Variants in PLCB1 observed in about 807,000 individuals in gnomAD.
PLCB1 encodes 1-phosphatidylinositol 4,5-bisphosphate phosphodiesterase beta-1.
In PLCB1, 46 loss-of-function variants were observed where a neutral mutation model predicts 161.8. That is an observed-to-expected ratio of 0.28 (90% CI 0.22 to 0.36). The LOEUF is 0.36. Ranked by LOEUF, PLCB1 falls within the 10% of genes least tolerant of loss-of-function variation. The pLI, the probability that PLCB1 is intolerant of heterozygous loss-of-function variation, is 1.00. For synonymous variants in PLCB1, 517 were observed against 503.7 expected, an observed-to-expected ratio of 1.03 and a Z score of -0.35; for missense variants, 1,016 against 1,472.5, an observed-to-expected ratio of 0.69 and a Z score of 5.07.
chr20:8,838,062 C>A (rs1432907670), intron 31 of PLCB1, among the ~76,000 whole-genome samples: 3 of 83,534 alleles, frequency 3.6e-5, no homozygotes, highest in Non-Finnish European at 4.9e-5. Context: ...CTGAAAATTT[C>A]TATGTCAAAT....
intron 10 of PLCB1, among the ~76,000 whole-genome samples, chr20:8,696,658 T>C (rs1465039342): frequency 6.6e-6 from 1 of 152,228 alleles, no homozygotes. Context: ...TTGGGTCTTC[T>C]TTAGTTTCTT....
chr20:8,185,050 T>C (rs2051888598), intron 2 of PLCB1, among the ~76,000 whole-genome samples: 1 of 152,016 alleles, frequency 6.6e-6, no homozygotes, highest in Non-Finnish European at 1.5e-5. Flanking sequence ...TGTTTGGTTT[T>C]CTGTTCCTGT....
chr20:8,698,715 T>G (rs1990635269), intron 11 of PLCB1, among the ~76,000 whole-genome samples: 1 of 152,070 alleles, frequency 6.6e-6, no homozygotes, highest in Non-Finnish European at 1.5e-5. Flanking sequence ...TGGGGGACGG[T>G]TCAAAGGAGA....
At chr20:8,668,463 A>C (rs1487059296) in intron 9 of PLCB1, among the ~76,000 whole-genome samples, 2 of 152,212 alleles carry the variant, frequency 1.3e-5, no homozygotes, top group Admixed American at 1.3e-4. Flanking sequence ...TATATGTAGA[A>C]AATGAGCCCA....
chr20:8,662,355 T>C (rs1397768041), intron 9 of PLCB1, among the ~76,000 whole-genome samples: 3 of 124,712 alleles, frequency 2.4e-5, no homozygotes, highest in African/African-American at 6.3e-5. Context: ...GTATAATATG[T>C]AATTATTTAT....
At chr20:8,296,236 A>G (rs534390459) in intron 2 of PLCB1, among the ~76,000 whole-genome samples, 7 of 152,322 alleles carry the variant, frequency 4.6e-5, no homozygotes, top group African/African-American at 1.7e-4. Flanking sequence ...GAAACTTACA[A>G]GCCTGTTTTG....
chr20:8,789,230 T>G (rs1983633567), intron 29 of PLCB1, among the ~76,000 whole-genome samples: 3 of 152,060 alleles, frequency 2.0e-5, no homozygotes, highest in Admixed American at 2.0e-4. Flanking sequence ...AATTTTAAGA[T>G]TAGCTGGGTG....
chr20:8,593,581 A>C (rs1249377519), intron 3 of PLCB1, among the ~76,000 whole-genome samples: 1 of 152,124 alleles, frequency 6.6e-6, no homozygotes, highest in Non-Finnish European at 1.5e-5. Context: ...ACCAATGATA[A>C]TCTGACATTG....
chr20:8,477,253 T>C (rs2423356), intron 3 of PLCB1, among the ~76,000 whole-genome samples: 143,522 of 152,250 alleles, frequency 0.94, 67,725 homozygotes, highest in East Asian at 1. Flanking sequence ...TTGAGAGATG[T>C]TGCTAACTGG....
chr20:8,870,689 G>A (rs923386106), intron 31 of PLCB1, among the ~76,000 whole-genome samples: 2 of 152,010 alleles, frequency 1.3e-5, no homozygotes, highest in Non-Finnish European at 2.9e-5. Flanking sequence ...TGCCTACCTC[G>A]TCCTTGACTC....
intron 11 of PLCB1, among the ~76,000 whole-genome samples, chr20:8,705,114 C>T (rs1200568860): frequency 6.6e-6 from 1 of 151,628 alleles, no homozygotes; most frequent in East Asian, 1.9e-4. Context: ...CACAGAGACA[C>T]CCAGAAGAAT....
intron 3 of PLCB1, among the ~76,000 whole-genome samples, chr20:8,569,706 A>C (rs1229206044): frequency 6.6e-6 from 1 of 152,238 alleles, no homozygotes; most frequent in Non-Finnish European, 1.5e-5. Context: ...AAGTATTAGC[A>C]TGAAAATAAA....
chr20:8,179,227 A>G (rs1015181834), intron 2 of PLCB1, among the ~76,000 whole-genome samples: 1 of 152,062 alleles, frequency 6.6e-6, no homozygotes, highest in African/African-American at 2.4e-5. Context: ...TTTGGGCAGT[A>G]TGGCCAGTTT....
intron 31 of PLCB1, among the ~76,000 whole-genome samples, chr20:8,796,469 A>G (rs929980958): frequency 6.6e-6 from 1 of 152,134 alleles, no homozygotes; most frequent in African/African-American, 2.4e-5. Context: ...TTGCGGCTTG[A>G]TGGGGAAATG....
At chr20:8,249,622 T>C (rs1981043506) in intron 2 of PLCB1, 1 of 151,994 alleles carries the variant, frequency 6.6e-6, no homozygotes, top group Non-Finnish European at 1.5e-5. Context: ...GAAAGTATCA[T>C]AGATGGACAA....
intron 3 of PLCB1, among the ~76,000 whole-genome samples, chr20:8,472,315 T>G (rs1300559235): frequency 6.6e-6 from 1 of 152,188 alleles, no homozygotes; most frequent in Non-Finnish European, 1.5e-5. Flanking sequence ...TCATTTTATT[T>G]ATTTGCTTTC....
At chr20:8,136,547 A>ACC (rs569491043) in intron 1 of PLCB1, among the ~76,000 whole-genome samples, 55 of 151,644 alleles carry the variant, frequency 3.6e-4, no homozygotes, top group African/African-American at 1.3e-3. Flanking sequence ...AATGGCGTGA[A>ACC]CCTGGGAGGC....
intron 3 of PLCB1, among the ~76,000 whole-genome samples, chr20:8,451,552 G>A (rs1046284627): frequency 1.3e-5 from 2 of 152,080 alleles, no homozygotes; most frequent in Non-Finnish European, 2.9e-5. Context: ...GTTTCACCAT[G>A]TTGGACAGGC....
At chr20:8,235,287 C>T in intron 2 of PLCB1, among the ~76,000 whole-genome samples, 1 of 151,994 alleles carries the variant, frequency 6.6e-6, no homozygotes, top group East Asian at 1.9e-4. Flanking sequence ...CAGAATTATT[C>T]TACTGGTAAA....
Sources: gnomAD v4.1 joint callset for allele counts (sites outside exome capture counted in the v4.1 genomes callset) on GRCh38, gnomAD v4.1.1 for gene constraint, MANE v1.5 for transcripts, NCBI Gene and HGNC (gene_info 2026-07-23, HGNC 2026-07-21) for gene names.